ITGA8: variants seen among roughly 807,000 people sequenced by gnomAD.
ITGA8 encodes integrin subunit alpha 8.
In ITGA8, 91 loss-of-function variants were observed where a neutral mutation model predicts 142.3. The ratio of observed to expected loss-of-function variants is 0.64; its 90% CI spans 0.54 to 0.76. The LOEUF (loss-of-function observed/expected upper bound fraction) is 0.76. Ranked by LOEUF, ITGA8 falls within the 30% of genes least tolerant of loss-of-function variation. The pLI, the probability that ITGA8 is intolerant of heterozygous loss-of-function variation, is 0.00. For missense variants in ITGA8, 1,406 were observed against 1,327.7 expected, an observed-to-expected ratio of 1.06 and a Z score of -0.92; for synonymous variants, 505 against 485.2, an observed-to-expected ratio of 1.04 and a Z score of -0.54.
intron 5 of ITGA8, 95 bp downstream of exon 5, chr10:15,678,627 G>T: frequency 1.3e-6 from 1 of 745,054 alleles, no homozygotes; most frequent in Non-Finnish European, 2.3e-6. Context: ...TTGGTTCTTT[G>T]GTGGTGGTGG....
intron 27 of ITGA8, 145 bp downstream of exon 27, chr10:15,548,310 C>A: frequency 1.6e-6 from 1 of 624,084 alleles, no homozygotes. Flanking sequence ...CCAGGCTTGT[C>A]TCGAGCTCCT....
intron 27 of ITGA8, among the ~76,000 whole-genome samples, chr10:15,536,058 T>C (rs1833429341): frequency 6.6e-6 from 1 of 151,404 alleles, no homozygotes; most frequent in South Asian, 2.1e-4. Flanking sequence ...AGGAAGAAAC[T>C]CTGAACACAT....
chr10:15,662,096 C>T (rs1023840100), intron 8 of ITGA8, among the ~76,000 whole-genome samples: 2 of 152,056 alleles, frequency 1.3e-5, no homozygotes, highest in South Asian at 2.1e-4. Flanking sequence ...CAGTCTCCCA[C>T]CCAGTAACTG....
At chr10:15,696,214 T>C (rs879481320) in intron 2 of ITGA8, among the ~76,000 whole-genome samples, 1 of 152,164 alleles carries the variant, frequency 6.6e-6, no homozygotes, top group African/African-American at 2.4e-5. Context: ...AGCCCGTTAG[T>C]TACCTAAGCG....
At chr10:15,536,394 A>C (rs1356005725) in intron 27 of ITGA8, among the ~76,000 whole-genome samples, 2 of 152,220 alleles carry the variant, frequency 1.3e-5, no homozygotes, top group Non-Finnish European at 2.9e-5. Context: ...CATCAAAGAT[A>C]CCCAAGTTCT....
At chr10:15,573,587 C>T (rs1730145986) in intron 24 of ITGA8, among the ~76,000 whole-genome samples, 1 of 152,112 alleles carries the variant, frequency 6.6e-6, no homozygotes, top group East Asian at 1.9e-4. Context: ...CTGATGCTGC[C>T]CAGGAGTTGA....
rs1832958233 is a variant in ITGA8 at position 15,516,157 on chromosome 10, A to G, written c.*1001T>C. The G allele has an allele frequency of 6.6e-6, 1 of 152,220 alleles. No homozygotes were observed. Among genetic ancestry groups the G allele is most frequent in the Non-Finnish European group, 1.5e-5 (1 of 68,032 alleles). The allele number at this position is 152,220 out of a possible 1,614,324, so 9.4% of individuals were successfully genotyped here. Reference sequence around the variant, plus strand: ...AAATAATGTTTACCCATAATGTTAAATTGCTTTTTAATTAATGAACTCTAG... The same window carrying G: ...AAATAATGTTTACCCATAATGTTAAGTTGCTTTTTAATTAATGAACTCTAG... On this transcript the variant is annotated 3_prime_UTR_variant, in exon 30 of 30. Transcript: ENST00000378076.
At chr10:15,630,178 C>T (rs1222946676) in intron 13 of ITGA8, among the ~76,000 whole-genome samples, 3 of 152,054 alleles carry the variant, frequency 2.0e-5, no homozygotes, top group Non-Finnish European at 4.4e-5. Flanking sequence ...TCATCATCAT[C>T]TCTACTTATA....
At chr10:15,693,749 TCTC>T (rs1242385434) in intron 2 of ITGA8, among the ~76,000 whole-genome samples, 1 of 152,156 alleles carries the variant, frequency 6.6e-6, no homozygotes, top group African/African-American at 2.4e-5. Flanking sequence ...ATATTCCCCT[TCTC>T]CTGCACAGGT....
intron 25 of ITGA8, among the ~76,000 whole-genome samples, chr10:15,558,960 C>T (rs948496060): frequency 2.0e-5 from 3 of 152,170 alleles, no homozygotes; most frequent in Non-Finnish European, 2.9e-5. Context: ...ACCTAATTTT[C>T]TGTTCCCCAC....
chr10:15,601,572 A>ATCTT (rs1833105181), intron 20 of ITGA8, among the ~76,000 whole-genome samples: 1 of 152,192 alleles, frequency 6.6e-6, no homozygotes, highest in Admixed American at 6.5e-5. Flanking sequence ...GATAAATTAT[A>ATCTT]TCTTACATGT....
At chr10:15,635,544 C>G (rs1038469936) in intron 13 of ITGA8, among the ~76,000 whole-genome samples, 5 of 152,138 alleles carry the variant, frequency 3.3e-5, no homozygotes, top group African/African-American at 4.8e-5. Context: ...GGCCTTTTCA[C>G]TTTCCACTCA....
rs571245777 is a variant in ITGA8 at position 15,576,154 on chromosome 10, T to A, written c.2373-560A>T. 2.6e-5 allele frequency among the ~76,000 whole-genome samples: 4 copies of A among 152,296 alleles called. No individual in the cohort carries two copies. In the South Asian group the frequency reaches 6.2e-4, roughly 24 times the overall value. ...GTGGTCATTGTATATTCCTCCTTTCTATATTTCTTTGGCTTCCTGGGAAAG... is the reference window on the plus strand; with the variant it reads ...GTGGTCATTGTATATTCCTCCTTTCAATATTTCTTTGGCTTCCTGGGAAAG... On this transcript the variant is annotated intron_variant, in intron 23 of 29. Transcript: ENST00000378076.
At chr10:15,688,600 A>G (rs1475214161) in intron 2 of ITGA8, among the ~76,000 whole-genome samples, 1 of 152,222 alleles carries the variant, frequency 6.6e-6, no homozygotes, top group Non-Finnish European at 1.5e-5. Context: ...AAAATCTTCA[A>G]CAAAATACTA....
intron 5 of ITGA8, 52 bp from the exon 6 acceptor site, chr10:15,677,689 C>T (rs371788418): frequency 1.5e-5 from 23 of 1,543,182 alleles, no homozygotes; most frequent in Non-Finnish European, 2.1e-5. Context: ...AAATACTAAA[C>T]ATTTTTAAAG....
At chr10:15,687,308 C>T (rs1834849693) in intron 3 of ITGA8, among the ~76,000 whole-genome samples, 1 of 151,796 alleles carries the variant, frequency 6.6e-6, no homozygotes, top group South Asian at 2.1e-4. Context: ...AAAAAATCCC[C>T]AAACTAAAAA....
intron 11 of ITGA8, among the ~76,000 whole-genome samples, chr10:15,652,811 C>T (rs142250831): frequency 2.0e-4 from 30 of 149,626 alleles, no homozygotes; most frequent in African/African-American, 7.0e-4. Flanking sequence ...CATTCCACTG[C>T]CCTCCAAGCC....
chr10:15,563,568 C>T (rs1165481593), intron 25 of ITGA8, among the ~76,000 whole-genome samples: 1 of 151,832 alleles, frequency 6.6e-6, no homozygotes, highest in African/African-American at 2.4e-5. Flanking sequence ...AAGATATAGC[C>T]TATTATTATT....
Position 15,572,388 on chromosome 10 carries a change from T to A in ITGA8, c.2479-19A>T, listed in dbSNP as rs766097002. 7 of 1,611,732 alleles carry A rather than the reference T, an allele frequency of 4.3e-6. No individual in the cohort carries two copies. The African/African-American group carries it at 9.4e-5, about 22-fold the overall frequency. On this transcript the variant is annotated intron_variant, in intron 24 of 29. Coordinates refer to ENST00000378076, the MANE Select transcript of ITGA8 (RefSeq NM_003638.3). ...TGTGCAGCTGTAAACAAGTGACATG[T>A]TATCTAATGACCCAGCAGAAGGCAG...
Sources: gnomAD v4.1 joint callset for allele counts (sites outside exome capture counted in the v4.1 genomes callset) on GRCh38, gnomAD v4.1.1 for gene constraint, MANE v1.5 for transcripts, NCBI Gene and HGNC (gene_info 2026-07-23, HGNC 2026-07-21) for gene names.